The following SRPRA variants were observed in gnomAD, a reference collection of about 807,000 sequenced individuals.
SRPRA encodes the protein signal recognition particle receptor subunit alpha.
In SRPRA, 30 loss-of-function variants were observed where a neutral mutation model predicts 61.1. The ratio of observed to expected loss-of-function variants is 0.49; its 90% CI spans 0.37 to 0.67. SRPRA has a LOEUF of 0.67. SRPRA is among the 30% of genes least tolerant of loss of function. SRPRA has a pLI of 0.00. For synonymous variants in SRPRA, 324 were observed against 299.7 expected (o/e 1.08, Z -0.84); for missense variants, 759 against 828.4 (o/e 0.92, Z 1.03).
intron 1 of SRPRA, 110 bp from the exon 2 acceptor site, chr11:126,268,196 A>G (rs1235245813): frequency 1.1e-6 from 1 of 873,188 alleles, no homozygotes; most frequent in Non-Finnish European, 1.8e-6. Context: ...CCAAACTCAA[A>G]TCTGTCCCCA....
downstream of SRPRA, among the ~76,000 whole-genome samples, chr11:126,259,176 A>G (rs56088152): frequency 7.7e-3 from 1,176 of 152,262 alleles, 12 homozygotes; most frequent in African/African-American, 0.025. Flanking sequence ...ACCCTTGCAT[A>G]ATGTTTTGAG....
chr11:126,247,433 T>A, the SRPRA span, among the ~76,000 whole-genome samples: 6 of 152,218 alleles, frequency 3.9e-5, no homozygotes, highest in African/African-American at 7.2e-5. Flanking sequence ...GACCTGGATT[T>A]TTTTCCCCCC....
the SRPRA span, chr11:126,240,749 T>C: frequency 6.5e-7 from 1 of 1,535,690 alleles, no homozygotes; most frequent in Non-Finnish European, 8.8e-7. Context: ...GTGCCTCATA[T>C]CTATTGGATA....
intron 6 of SRPRA, 75 bp from the exon 7 acceptor site, chr11:126,266,353 T>G: frequency 6.3e-7 from 1 of 1,592,652 alleles, no homozygotes; most frequent in Non-Finnish European, 8.6e-7. Context: ...TTGCTCTATC[T>G]CTTTCATTTT....
At chr11:126,236,540 C>A in the SRPRA span, among the ~76,000 whole-genome samples, 1 of 152,064 alleles carries the variant, frequency 6.6e-6, no homozygotes, top group Non-Finnish European at 1.5e-5. Flanking sequence ...TTCTCAGTAA[C>A]CTGAAATTTC....
At chr11:126,248,822 A>G in the SRPRA span, among the ~76,000 whole-genome samples, 3 of 152,196 alleles carry the variant, frequency 2.0e-5, no homozygotes, top group African/African-American at 4.8e-5. Flanking sequence ...TAAGTTTCCA[A>G]CACATGAACG....
chr11:126,246,955 CT>C, the SRPRA span, among the ~76,000 whole-genome samples: 2 of 152,120 alleles, frequency 1.3e-5, no homozygotes, highest in Non-Finnish European at 2.9e-5. Flanking sequence ...GAGAAAAAAA[CT>C]TTCCAGCCTG....
At chr11:126,250,299 G>A in the SRPRA span, among the ~76,000 whole-genome samples, 1 of 152,132 alleles carries the variant, frequency 6.6e-6, no homozygotes, top group East Asian at 1.9e-4. The surrounding 1 kb of genome is among the most constrained non-coding windows in gnomAD (Gnocchi z 5.1). Flanking sequence ...CACCGTGTTA[G>A]CCAGGATGGT....
chr11:126,262,445 G>A (rs1950720711), downstream of SRPRA: 4 of 382,790 alleles, frequency 1.0e-5, no homozygotes, highest in African/African-American at 2.1e-5. Flanking sequence ...TCCACTGACC[G>A]GCTGCAGCTC....
chr11:126,243,687 T>C, the SRPRA span, among the ~76,000 whole-genome samples: 1 of 151,974 alleles, frequency 6.6e-6, no homozygotes, highest in Non-Finnish European at 1.5e-5. Context: ...GCAGATCACT[T>C]GAGGTCAGGA....
At chr11:126,241,088 A>C in the SRPRA span, 21 of 1,511,804 alleles carry the variant, frequency 1.4e-5, no homozygotes, top group East Asian at 4.5e-4. Context: ...ATTTCCTAAA[A>C]TTTAACTATC....
intron 1 of SRPRA, 141 bp downstream of exon 1, chr11:126,268,547 G>C (rs1950870802): frequency 4.4e-6 from 3 of 684,122 alleles, no homozygotes; most frequent in Admixed American, 5.6e-5. Context: ...ACGAGAAAAC[G>C]AAGCGGAGTC....
chr11:126,245,778 C>G, the SRPRA span, among the ~76,000 whole-genome samples: 20 of 152,200 alleles, frequency 1.3e-4, no homozygotes, highest in Non-Finnish European at 2.4e-4. Flanking sequence ...AGGCGGATCA[C>G]CTGAGGTCGG....
rs771110276 is a variant in SRPRA at position 126,266,620 on chromosome 11, C to T, written c.696G>A (p.Thr232=). 5.1e-5 allele frequency: 82 copies of T among 1,613,806 alleles called. No individual in the cohort carries two copies. Among genetic ancestry groups the T allele is most frequent in the Non-Finnish European group, 6.5e-5 (77 of 1,179,830 alleles). The part of the protein sequence containing the change: ...GRGMEKSNKS[T]KSDAPKEKGK... ...CCTTCTCCTTTGGAGCATCTGACTT[C>T]GTGGACTTGCTGCAACAGGTTATGA... Residue 232 remains threonine (T), a synonymous_variant, in exon 6 of 14, where the codon ACG becomes ACA. Transcript: ENST00000332118.
Position 126,267,122 on chromosome 11 carries a change from GCACCGTGTTAA to G in SRPRA, c.526+42_526+52del. ...AAAGGAAGGACCACCTCAGTCCTTA[GCACCGTGTTAA>G]CACCTTTCATGTCCCAGTATATCCA... On this transcript the variant is annotated intron_variant, in intron 4 of 13. Coordinates refer to ENST00000332118, the MANE Select transcript of SRPRA (RefSeq NM_003139.4). The surrounding 1 kb of genome is among the most constrained non-coding windows in gnomAD (Gnocchi z 4.2). 6.2e-7 allele frequency: 1 copy of G among 1,606,312 alleles called. No individual in the cohort carries two copies. The highest frequency in any genetic ancestry group is 8.5e-7 in the Non-Finnish European group (1 of 1,175,568).
the SRPRA span, among the ~76,000 whole-genome samples, chr11:126,241,761 G>T: frequency 6.6e-6 from 1 of 152,112 alleles, no homozygotes; most frequent in African/African-American, 2.4e-5. Context: ...TGTTGGTCAA[G>T]CTGGTCTCGA....
the SRPRA span, among the ~76,000 whole-genome samples, chr11:126,237,748 T>C: frequency 7.1e-6 from 1 of 140,904 alleles, no homozygotes. Context: ...TCCCAGCTAC[T>C]CGGGAGGCTG....
At chr11:126,249,858 C>T in the SRPRA span, among the ~76,000 whole-genome samples, 1 of 152,056 alleles carries the variant, frequency 6.6e-6, no homozygotes, top group South Asian at 2.1e-4. Flanking sequence ...TACCTGGCAC[C>T]TCATGAGAGG....
chr11:126,258,593 A>G (rs1950618263), downstream of SRPRA, among the ~76,000 whole-genome samples: 1 of 152,108 alleles, frequency 6.6e-6, no homozygotes, highest in Non-Finnish European at 1.5e-5. Context: ...TGTGAAAACT[A>G]TTTACTATTC....
Sources: allele counts gnomAD v4.1 joint callset (sites outside exome capture counted in the v4.1 genomes callset), GRCh38; gene constraint gnomAD v4.1.1; non-coding constraint Gnocchi (gnomAD v3.1); transcripts MANE v1.5; gene names NCBI Gene and HGNC (gene_info 2026-07-23, HGNC 2026-07-21).